Variants in MPHOSPH9 observed in about 807,000 individuals in gnomAD.
MPHOSPH9 encodes M-phase phosphoprotein 9.
MPHOSPH9 carries 88 observed loss-of-function variants against 145.5 expected under a neutral mutation model. The ratio of observed to expected loss-of-function variants is 0.60; its 90% CI spans 0.51 to 0.72. The LOEUF (loss-of-function observed/expected upper bound fraction) is 0.72, where lower values mean the gene tolerates loss of function less well. Among genes scored for constraint, MPHOSPH9 ranks in the 30% least tolerant of loss-of-function variants. The pLI, the probability that MPHOSPH9 is intolerant of heterozygous loss-of-function variation, is 0.00. For synonymous variants in MPHOSPH9, 435 were observed against 486.2 expected (o/e 0.89, Z 1.39); for missense variants, 1,238 against 1,386.6 (o/e 0.89, Z 1.70).
chr12:123,194,598 C>T lies in MPHOSPH9; in HGVS notation c.2029G>A (p.Asp677Asn). 4.5e-6 allele frequency: 7 copies of T among 1,569,226 alleles called. No homozygotes were observed. Among genetic ancestry groups the T allele is most frequent in the Non-Finnish European group, 6.0e-6 (7 of 1,163,654 alleles). ...KNNLLEIEVN[D>N]LRERFSAASS... ...GCTGCACTGAAGCGTTCTCTCAAAT[C>T]ATTCTATAAAACAAAGACAAACATA... Residue 677 changes from aspartate (D) to asparagine (N), a missense_variant, in exon 13 of 24, where the codon GAT (aspartate) becomes AAT (asparagine). Asp to Asn is a conservative substitution (Grantham distance 23). Around this residue, in one of 3 missense-constraint regions of MPHOSPH9, gnomAD observed 837 missense variants for 897.5 expected, o/e 0.93. Transcript: ENST00000606320.
intron 20 of MPHOSPH9, chr12:123,162,739 A>G (rs1002132377): frequency 1.5e-5 from 5 of 325,930 alleles, no homozygotes; most frequent in Non-Finnish European, 2.2e-5. Flanking sequence ...AAACCTTTTC[A>G]GGAAAACAAA....
intron 15 of MPHOSPH9, among the ~76,000 whole-genome samples, chr12:123,179,551 C>T (rs989944741): frequency 1.3e-5 from 2 of 151,554 alleles, no homozygotes; most frequent in African/African-American, 4.8e-5. Context: ...CTCCAGCCTG[C>T]GTGACAGAGT....
chr12:123,186,245 A>C (rs11613128), intron 13 of MPHOSPH9, among the ~76,000 whole-genome samples: 77,090 of 144,096 alleles, frequency 0.53, 25,165 homozygotes, highest in Non-Finnish European at 0.7. Context: ...AAAAAAAAAA[A>C]AAAAAAGAGA....
At chr12:123,241,253 A>G (rs1051125102) in intron 1 of MPHOSPH9, among the ~76,000 whole-genome samples, 6 of 151,250 alleles carry the variant, frequency 4.0e-5, no homozygotes, top group African/African-American at 9.7e-5. Context: ...CAGCCTCCCA[A>G]TATGCTGGGA....
chr12:123,188,087 T>C (rs1790087), intron 13 of MPHOSPH9, among the ~76,000 whole-genome samples: 98,268 of 152,004 alleles, frequency 0.65, 36,303 homozygotes, highest in East Asian at 1. Context: ...GATTGCGCCA[T>C]TGCACTCCAG....
intron 7 of MPHOSPH9, 57 bp downstream of exon 7, chr12:123,214,687 C>T: frequency 3.0e-6 from 4 of 1,349,638 alleles, no homozygotes; most frequent in Non-Finnish European, 4.2e-6. Context: ...AATCTAAGTA[C>T]CTTCCTCTGA....
intron 15 of MPHOSPH9, among the ~76,000 whole-genome samples, chr12:123,177,765 T>C (rs1370793798): frequency 1.3e-5 from 2 of 151,852 alleles, no homozygotes; most frequent in Non-Finnish European, 2.9e-5. Context: ...AATCCTAATA[T>C]GTATATAACC....
intron 11 of MPHOSPH9, among the ~76,000 whole-genome samples, chr12:123,199,052 T>C (rs932399520): frequency 2.6e-5 from 4 of 151,802 alleles, no homozygotes; most frequent in Non-Finnish European, 5.9e-5. Context: ...ATAACCCAGG[T>C]TGAAGTACAG....
chr12:123,171,229 G>A (rs766241871), intron 16 of MPHOSPH9, among the ~76,000 whole-genome samples: 14 of 152,082 alleles, frequency 9.2e-5, no homozygotes, highest in Admixed American at 3.9e-4. Flanking sequence ...TGAGGCGGGC[G>A]GATCACTTGA....
At chr12:123,243,236 T>A (rs1176849921) in intron 1 of MPHOSPH9, among the ~76,000 whole-genome samples, 2 of 91,258 alleles carry the variant, frequency 2.2e-5, no homozygotes, top group Non-Finnish European at 4.8e-5. Flanking sequence ...TTTAAAACAA[T>A]TTTTTTTTTT....
At chr12:123,204,815 C>A (rs1470908780) in intron 8 of MPHOSPH9, among the ~76,000 whole-genome samples, 1 of 152,120 alleles carries the variant, frequency 6.6e-6, no homozygotes, top group East Asian at 1.9e-4. Context: ...GCAGAGGTTG[C>A]AGTGAGTTGG....
rs2043846413 is a variant in MPHOSPH9, at chr12:123,155,748, CGGCTACCACAGAGGCAGT to C, written c.*1041_*1058del. The C allele has an allele frequency of 6.6e-6, 1 of 152,184 alleles. No homozygotes were observed. Among genetic ancestry groups the C allele is most frequent in the Admixed American group, 6.5e-5 (1 of 15,282 alleles). The allele number at this position is 152,184 out of a possible 1,614,324, so 9.4% of individuals were successfully genotyped here. A position where few individuals can be genotyped will look rare whatever the true frequency, so the allele number is the denominator to read the frequency against. ...CCCACGTGCTACTTCTGAGAGCCAG[CGGCTACCACAGAGGCAGT>C]GGGCTGGAGCCCTCTGCAAGGCCGA... On this transcript the variant is annotated 3_prime_UTR_variant, in exon 24 of 24. Transcript: ENST00000606320.
downstream of MPHOSPH9, chr12:123,152,467 G>T: frequency 2.4e-6 from 1 of 422,676 alleles, no homozygotes; most frequent in South Asian, 1.7e-5. Flanking sequence ...CCCACCAGCA[G>T]CACTGTAAAA....
chr12:123,202,249 T>C lies in MPHOSPH9; in HGVS notation c.1852A>G (p.Ile618Val), dbSNP rs777498310. ...TCCAGCTTCTGTTTCAAACTATTTA[T>C]TTCTGATTCATAATAAGCTCGAAGA... ...ADLRAYYESEINSLKQKLEAK... is the reference protein window; with the variant it reads ...ADLRAYYESEVNSLKQKLEAK... The change falls in exon 11 of 24, where the codon ATA becomes GTA. Residue 618 changes from isoleucine to valine, a missense_variant. Ile to Val is a conservative substitution (Grantham distance 29). This residue lies in a region of MPHOSPH9 where 837 missense variants were observed against 897.5 expected (regional missense o/e 0.93). Coordinates refer to ENST00000606320, the MANE Select transcript of MPHOSPH9 (RefSeq NM_022782.4). 8.7e-6 allele frequency: 14 copies of C among 1,613,538 alleles called. 1 individual carries two copies. The South Asian group carries it at 1.5e-4, about 18-fold the overall frequency.
intron 23 of MPHOSPH9, among the ~76,000 whole-genome samples, chr12:123,157,192 T>A (rs2043901569): frequency 1.3e-5 from 2 of 152,174 alleles, no homozygotes; most frequent in African/African-American, 4.8e-5. Context: ...TGGAAGAGGA[T>A]AATTCTTTGG....
intron 16 of MPHOSPH9, among the ~76,000 whole-genome samples, chr12:123,169,266 C>T (rs1244995563): frequency 5.3e-5 from 8 of 149,754 alleles, no homozygotes; most frequent in Non-Finnish European, 7.4e-5. Context: ...GAGGCCAAGG[C>T]GGGCAGATAA....
upstream of MPHOSPH9, among the ~76,000 whole-genome samples, chr12:123,234,303 G>A (rs2047794855): frequency 6.6e-6 from 1 of 151,944 alleles, no homozygotes; most frequent in African/African-American, 2.4e-5. Flanking sequence ...AAATGGATCT[G>A]CCCTTGGAAT....
chr12:123,169,150 G>A (rs1257562404), intron 16 of MPHOSPH9, among the ~76,000 whole-genome samples: 1 of 151,482 alleles, frequency 6.6e-6, no homozygotes, highest in Non-Finnish European at 1.5e-5. Flanking sequence ...GCCTCCCAAA[G>A]TGCTGGGATT....
chr12:123,184,433 A>G lies in MPHOSPH9; in HGVS notation c.2242-3223T>C, dbSNP rs566534173. Among the ~76,000 whole-genome samples the G allele has an allele frequency of 4.4e-4, 67 of 152,250 alleles. 1 individual carries two copies. The highest frequency in any genetic ancestry group is 2.0e-3 in the Admixed American group (31 of 15,272). On this transcript the variant is annotated intron_variant, in intron 13 of 23. Coordinates refer to ENST00000606320, the MANE Select transcript of MPHOSPH9 (RefSeq NM_022782.4). Reference sequence around the variant, plus strand: ...CGCCTGAAAATGAAGGCTACCAGGAACTAAGTCCCATCCATACACTTAAGA... The same window carrying G: ...CGCCTGAAAATGAAGGCTACCAGGAGCTAAGTCCCATCCATACACTTAAGA...
Sources: gnomAD v4.1 joint callset for allele counts (sites outside exome capture counted in the v4.1 genomes callset) on GRCh38, gnomAD v4.1.1 for gene constraint, gnomAD v4.1.1 regional missense constraint, MANE v1.5 for transcripts, NCBI Gene and HGNC (gene_info 2026-07-23, HGNC 2026-07-21) for gene names.